The following HIVEP1 variants were observed in gnomAD, a reference collection of about 807,000 sequenced individuals.
The protein encoded by HIVEP1 is HIVEP zinc finger 1.
Under a neutral mutation model 180.0 loss-of-function variants are expected in HIVEP1, and 36 were observed. The ratio of observed to expected loss-of-function variants is 0.20; its 90% CI spans 0.15 to 0.26. The LOEUF (loss-of-function observed/expected upper bound fraction) is 0.26. Among genes scored for constraint, HIVEP1 ranks in the 10% least tolerant of loss-of-function variants. The probability of loss-of-function intolerance (pLI) is 1.00; values close to 1 mark genes in which losing one functional copy is unlikely to be tolerated. For missense variants in HIVEP1, 3,143 were observed against 3,268.7 expected (o/e 0.96, Z 0.94); for synonymous variants, 1,239 against 1,239.0 (o/e 1.00, Z 0.00).
chr6:12,175,200 C>T, the HIVEP1 span, among the ~76,000 whole-genome samples: 36,123 of 152,040 alleles, frequency 0.24, 4,957 homozygotes, highest in Non-Finnish European at 0.31. Flanking sequence ...TATTAATATT[C>T]GTATCTAATT....
At position 12,122,725 on chromosome 6, in the gene HIVEP1, A is replaced by G. The variant is rs1485211951; in HGVS notation, c.2930A>G (p.His977Arg). The change falls in exon 4 of 9, where the codon CAT (histidine) becomes CGT (arginine). Residue 977 changes from histidine (H) to arginine (R), a missense_variant. His to Arg is a conservative substitution (Grantham distance 29). Coordinates refer to ENST00000379388, the MANE Select transcript of HIVEP1 (RefSeq NM_002114.4). ...AGGAAACTGGAAAATTTTGAAAATC[A>G]TAAGAAATTTTACTGTTCTGAGTTA... ...RYRKLENFEN[H>R]KKFYCSELHG... The G allele has an allele frequency of 2.5e-6, 4 of 1,613,852 alleles. No homozygotes were observed. Among genetic ancestry groups the G allele is most frequent in the Non-Finnish European group, 3.4e-6 (4 of 1,179,928 alleles).
At chr6:12,201,086 A>G in the HIVEP1 span, among the ~76,000 whole-genome samples, 1 of 152,238 alleles carries the variant, frequency 6.6e-6, no homozygotes, top group Non-Finnish European at 1.5e-5. Context: ...CCAATAAATC[A>G]TGGTTGAATG....
chr6:12,043,805 G>A (rs1769937017), intron 2 of HIVEP1, among the ~76,000 whole-genome samples: 1 of 152,194 alleles, frequency 6.6e-6, no homozygotes, highest in South Asian at 2.1e-4. Context: ...GTTGTTCGTG[G>A]CACTTCTGTA....
the HIVEP1 span, among the ~76,000 whole-genome samples, chr6:12,201,853 GA>G: frequency 6.6e-6 from 1 of 152,060 alleles, no homozygotes; most frequent in Non-Finnish European, 1.5e-5. Flanking sequence ...CATGTCTTTT[GA>G]AAACAGTATA....
intron 3 of HIVEP1, among the ~76,000 whole-genome samples, chr6:12,101,747 CT>C (rs1387585966): frequency 1.3e-5 from 2 of 152,036 alleles, no homozygotes; most frequent in Non-Finnish European, 2.9e-5. Context: ...ACAAATTCAG[CT>C]GTGTCAATAA....
the HIVEP1 span, among the ~76,000 whole-genome samples, chr6:12,186,636 C>T: frequency 4.0e-5 from 6 of 151,612 alleles, no homozygotes; most frequent in African/African-American, 1.5e-4. Context: ...AATTAACTGC[C>T]TGCCAGAATA....
the HIVEP1 span, among the ~76,000 whole-genome samples, chr6:12,198,721 A>C: frequency 6.6e-6 from 1 of 152,216 alleles, no homozygotes; most frequent in African/African-American, 2.4e-5. Context: ...TGAGGAGGCA[A>C]CAACAGTTCA....
rs531364864 is a variant in HIVEP1, at chr6:12,078,678, CACTA to C, written c.41-10505_41-10502del. Among the ~76,000 whole-genome samples the C allele has an allele frequency of 4.5e-4, 56 of 124,116 alleles. No individual in the cohort carries two copies. In the South Asian group the frequency reaches 0.013, roughly 30 times the overall value. 81.4% of individuals were successfully genotyped at this position (124,116 alleles called of 152,430 possible). A position where few individuals can be genotyped will look rare whatever the true frequency, so the allele number is the denominator to read the frequency against. On this transcript the variant is annotated intron_variant, in intron 2 of 8. Transcript: ENST00000379388. The stretch of plus-strand genomic sequence containing the variant: ...ACATATATATACATATATATACACA[CACTA>C]TACACACATATAAACATATATATAA...
chr6:12,056,445 AT>A (rs764254742), intron 2 of HIVEP1, among the ~76,000 whole-genome samples: 5 of 152,012 alleles, frequency 3.3e-5, no homozygotes, highest in Non-Finnish European at 7.4e-5. Context: ...TTTTTTGTTC[AT>A]TTATTTGTTG....
Position 12,122,492 on chromosome 6 carries a change from A to G in HIVEP1, c.2697A>G (p.Gln899=). 2 of 1,614,232 alleles carry G rather than the reference A, an allele frequency of 1.2e-6. No homozygotes were observed. The highest frequency in any genetic ancestry group is 2.2e-5 in the South Asian group (2 of 91,088). ...QSGHPRTLVR[Q]AAIEDSSANE... is the part of the protein sequence containing the mutation. ...GGCATCCCCGTACACTTGTGAGACAAGCAGCCATAGAAGACTCTTCAGCAA... is the reference window on the plus strand; with the variant it reads ...GGCATCCCCGTACACTTGTGAGACAGGCAGCCATAGAAGACTCTTCAGCAA... The change falls in exon 4 of 9, where the codon CAA becomes CAG. Residue 899 remains glutamine, a synonymous_variant. Coordinates refer to ENST00000379388, the MANE Select transcript of HIVEP1 (RefSeq NM_002114.4).
chr6:12,079,903 T>G (rs529713880), intron 2 of HIVEP1, among the ~76,000 whole-genome samples: 11 of 152,140 alleles, frequency 7.2e-5, no homozygotes, highest in African/African-American at 2.7e-4. Flanking sequence ...TTCACATAAT[T>G]AAGCAAATTT....
intron 2 of HIVEP1, among the ~76,000 whole-genome samples, chr6:12,079,005 G>A (rs932112090): frequency 1.3e-5 from 2 of 152,068 alleles, no homozygotes; most frequent in Non-Finnish European, 2.9e-5. Flanking sequence ...GTGGACCCTG[G>A]CGTGTAGCCT....
intron 2 of HIVEP1, among the ~76,000 whole-genome samples, chr6:12,016,109 G>A (rs947239020): frequency 2.0e-5 from 3 of 152,260 alleles, no homozygotes; most frequent in Non-Finnish European, 2.9e-5. Flanking sequence ...AAGAAGTGAA[G>A]AGAATTGTAG....
rs757307039 is a variant in HIVEP1 at position 12,163,599 on chromosome 6, G to A, written c.7295G>A (p.Ser2432Asn). 2 of 1,614,212 alleles carry A rather than the reference G, an allele frequency of 1.2e-6. No individual in the cohort carries two copies. Among genetic ancestry groups the A allele is most frequent in the Non-Finnish European group, 1.7e-6 (2 of 1,180,038 alleles). The change falls in exon 9 of 9, where the codon AGT becomes AAT. Residue 2432 changes from serine to asparagine, a missense_variant. Physicochemically the swap from Ser to Asn is conservative, Grantham distance 46. This residue lies in a region of HIVEP1 where 595 missense variants were observed against 602.2 expected (regional missense o/e 0.99). Transcript: ENST00000379388. ...GPVQLTIPAV[S>N]VVHRTLGTHR... ...GTGCAGCTCACGATCCCTGCTGTCA[G>A]TGTCGTTCACAGAACTTTGGGTACT...
the HIVEP1 span, among the ~76,000 whole-genome samples, chr6:12,211,909 A>G: frequency 6.6e-6 from 1 of 151,086 alleles, no homozygotes; most frequent in South Asian, 2.1e-4. Flanking sequence ...TCTGTACCCT[A>G]AAAAAAATTT....
At chr6:12,082,695 C>T (rs1265930695) in intron 2 of HIVEP1, among the ~76,000 whole-genome samples, 1 of 152,136 alleles carries the variant, frequency 6.6e-6, no homozygotes, top group South Asian at 2.1e-4. Context: ...CCTAATGCCC[C>T]TCTACCTGAA....
intron 2 of HIVEP1, 49 bp downstream of exon 2, chr6:12,015,717 C>G: frequency 2.0e-6 from 3 of 1,530,268 alleles, no homozygotes; most frequent in Non-Finnish European, 2.7e-6. Flanking sequence ...AATCTTTTAA[C>G]AAAGTATCTC....
In HIVEP1 at chr6:12,135,828, C is replaced by G. The variant is rs757273637; in HGVS notation, c.6423C>G (p.Ser2141Arg). ...LTKHMKSKAH[S>R]KKCVDLGVSV... Reference sequence around the variant, plus strand: ...AACACATGAAGTCCAAGGCACATAGCAAGAAATGTGTGGATTTAGGCGTCT... The same window carrying G: ...AACACATGAAGTCCAAGGCACATAGGAAGAAATGTGTGGATTTAGGCGTCT... The change falls in exon 7 of 9, where the codon AGC (serine) becomes AGG (arginine). Residue 2141 changes from serine to arginine, a missense_variant. By Grantham distance (110) the Ser-to-Arg change is moderately radical. This residue lies in a region of HIVEP1 where 126 missense variants were observed against 168.5 expected (regional missense o/e 0.75). Transcript: ENST00000379388. 6.2e-7 allele frequency: 1 copy of G among 1,612,500 alleles called. No individual in the cohort carries two copies. Among genetic ancestry groups the G allele is most frequent in the Non-Finnish European group, 8.5e-7 (1 of 1,178,740 alleles).
intron 3 of HIVEP1, among the ~76,000 whole-genome samples, chr6:12,093,328 A>G (rs1394635566): frequency 2.0e-5 from 3 of 151,832 alleles, no homozygotes; most frequent in East Asian, 1.9e-4. Context: ...TACTTCATTT[A>G]AAGTGCCTTC....
Sources: allele counts gnomAD v4.1 joint callset (sites outside exome capture counted in the v4.1 genomes callset), GRCh38; gene constraint gnomAD v4.1.1; regional missense constraint gnomAD v4.1.1; transcripts MANE v1.5; gene names NCBI Gene and HGNC (gene_info 2026-07-23, HGNC 2026-07-21).